ZDHHC23: variants seen among roughly 807,000 people sequenced by gnomAD.
ZDHHC23 encodes palmitoyltransferase ZDHHC23.
ZDHHC23 carries 41 observed loss-of-function variants against 40.2 expected under a neutral mutation model. The ratio of observed to expected loss-of-function variants is 1.02; its 90% CI spans 0.79 to 1.32. The LOEUF is 1.32. Among genes scored for constraint, ZDHHC23 ranks in the 40% most tolerant of loss-of-function variants. The pLI is 0.00. For synonymous variants in ZDHHC23, 204 were observed against 210.2 expected (o/e 0.97, Z 0.26); for missense variants, 471 against 541.5 (o/e 0.87, Z 1.29).
chr3:113,953,000 C>A (rs894466858), intron 2 of ZDHHC23, among the ~76,000 whole-genome samples: 3 of 152,194 alleles, frequency 2.0e-5, no homozygotes, highest in Non-Finnish European at 4.4e-5. Context: ...CATAGCATAG[C>A]CTAAGTGTGC....
chr3:113,959,210 T>C lies in ZDHHC23; in HGVS notation c.*580T>C. On this transcript the variant is annotated 3_prime_UTR_variant, in exon 5 of 5. Transcript: ENST00000638807. ...AGAAAAACGTTTATAGTCTAGAATA[T>C]TGAAGCCAATATTATTAGGGTAATC... 1.9e-6 allele frequency: 2 copies of C among 1,067,486 alleles called. No homozygotes were observed. Among genetic ancestry groups the C allele is most frequent in the Non-Finnish European group, 2.3e-6 (2 of 875,652 alleles). The allele number at this position is 1,067,486 out of a possible 1,614,324, so 66.1% of individuals were successfully genotyped here.
intron 4 of ZDHHC23, chr3:113,957,564 A>G (rs1939351370): frequency 2.5e-6 from 1 of 402,368 alleles, no homozygotes; most frequent in Non-Finnish European, 4.9e-6. Flanking sequence ...CAGTCCTGCC[A>G]TTGCTTCTCA....
At position 113,960,100 on chromosome 3, in the gene ZDHHC23, T is replaced by C. The variant is rs1939582026; in HGVS notation, c.*1470T>C. ...CTTATAGCTTAATATAGGGAAAATA[T>C]TGCCAGCGTTTTCAGTCATTCTGTG... On this transcript the variant is annotated 3_prime_UTR_variant, in exon 5 of 5. Coordinates refer to ENST00000638807, the MANE Select transcript of ZDHHC23 (RefSeq NM_001320466.2). 1.0e-6 allele frequency: 1 copy of C among 989,320 alleles called. No homozygotes were observed. The highest frequency in any genetic ancestry group is 1.7e-5 in the African/African-American group (1 of 57,394). The allele number at this position is 989,320 out of a possible 1,614,324, so 61.3% of individuals were successfully genotyped here.
chr3:113,966,235 A>C (rs1484182197), downstream of ZDHHC23, among the ~76,000 whole-genome samples: 2 of 152,186 alleles, frequency 1.3e-5, no homozygotes, highest in Non-Finnish European at 2.9e-5. Flanking sequence ...GTTGAGAAAA[A>C]ATACCCTAAC....
At chr3:113,965,042 A>T, downstream of ZDHHC23, 1 of 554,378 alleles carries the variant, frequency 1.8e-6, no homozygotes, top group Admixed American at 3.4e-5. Context: ...TTGATCTAAG[A>T]AGTAGCTCGT....
At chr3:113,974,822 C>T in the ZDHHC23 span, among the ~76,000 whole-genome samples, 1 of 151,924 alleles carries the variant, frequency 6.6e-6, no homozygotes, top group South Asian at 2.1e-4. Context: ...TGCTTTAATC[C>T]CTGGTTCATC....
intron 3 of ZDHHC23, among the ~76,000 whole-genome samples, chr3:113,955,069 A>C (rs1412935690): frequency 6.6e-6 from 1 of 152,192 alleles, no homozygotes; most frequent in Non-Finnish European, 1.5e-5. Context: ...AGGGACTATA[A>C]TTAATTCAGA....
At chr3:113,964,988 A>C (rs1277967293), downstream of ZDHHC23, 1 of 437,856 alleles carries the variant, frequency 2.3e-6, no homozygotes, top group Non-Finnish European at 4.0e-6. Flanking sequence ...CTAGCAATCC[A>C]GGAAAAGTCA....
At chr3:113,950,890 G>A (rs1255200279) in intron 2 of ZDHHC23, among the ~76,000 whole-genome samples, 1 of 152,226 alleles carries the variant, frequency 6.6e-6, no homozygotes, top group African/African-American at 2.4e-5. Context: ...CATTCCAAAA[G>A]GGAACAACAG....
chr3:113,958,259 A>G lies in ZDHHC23; in HGVS notation c.1041-104A>G, dbSNP rs139047036. 580 of 1,074,514 alleles carry G rather than the reference A, an allele frequency of 5.4e-4. 1 individual carries two copies. The African/African-American group carries it at 7.0e-3, about 13-fold the overall frequency. 66.6% of individuals were successfully genotyped at this position (1,074,514 alleles called of 1,614,324 possible). A position where few individuals can be genotyped will look rare whatever the true frequency, so the allele number is the denominator to read the frequency against. On this transcript the variant is annotated intron_variant, in intron 4 of 4. Coordinates refer to ENST00000638807, the MANE Select transcript of ZDHHC23 (RefSeq NM_001320466.2). ...GTTCGGAGGGTTGGGGAAGATGCCA[A>G]AGTCTTTAGTAATAAGTAAAAAAAT...
chr3:113,950,301 A>C (rs1042768655), intron 2 of ZDHHC23, among the ~76,000 whole-genome samples: 3 of 152,184 alleles, frequency 2.0e-5, no homozygotes, highest in African/African-American at 7.2e-5. Flanking sequence ...TAAATACCTG[A>C]GACTGGGTAA....
the ZDHHC23 span, among the ~76,000 whole-genome samples, chr3:113,974,298 T>C: frequency 5.3e-5 from 8 of 151,614 alleles, no homozygotes; most frequent in African/African-American, 1.5e-4. Context: ...TTTGGGAAGG[T>C]CATGGTTCCC....
Position 113,960,883 on chromosome 3 carries a change from G to A in ZDHHC23, c.*2253G>A. On this transcript the variant is annotated 3_prime_UTR_variant, in exon 5 of 5. Transcript: ENST00000638807. ...CCTGTCAAAAGATGAGTGATCTTGTGTGGGAAAAGCCTTCCCAGGCGTCTG... is the reference window on the plus strand; with the variant it reads ...CCTGTCAAAAGATGAGTGATCTTGTATGGGAAAAGCCTTCCCAGGCGTCTG... The A allele has an allele frequency of 4.5e-5, 57 of 1,266,206 alleles. No homozygotes were observed. Among genetic ancestry groups the A allele is most frequent in the Non-Finnish European group, 5.9e-5 (56 of 955,274 alleles). 78.4% of individuals were successfully genotyped at this position (1,266,206 alleles called of 1,614,324 possible).
chr3:113,969,171 T>C (rs936550052), downstream of ZDHHC23, among the ~76,000 whole-genome samples: 1 of 152,226 alleles, frequency 6.6e-6, no homozygotes, highest in Non-Finnish European at 1.5e-5. Flanking sequence ...TCCATCTCCA[T>C]GACCCAAATA....
At position 113,953,978 on chromosome 3, in the gene ZDHHC23, T is replaced by A. The variant is rs1278666775; in HGVS notation, c.440T>A (p.Phe147Tyr). The change falls in exon 3 of 5, where the codon TTC becomes TAC. Residue 147 changes from phenylalanine to tyrosine, a missense_variant. This residue lies in a region of ZDHHC23 where 346 missense variants were observed against 399.8 expected (regional missense o/e 0.87). Coordinates refer to ENST00000638807, the MANE Select transcript of ZDHHC23 (RefSeq NM_001320466.2). ...QTLFFLSLGL[F>Y]SLGYMYYVFL... ...CTGTTTTTCCTGAGCCTTGGACTGT[T>A]CTCTCTGGGCTACATGTACTATGTG... 1.9e-6 allele frequency: 3 copies of A among 1,614,084 alleles called. No individual in the cohort carries two copies. The Admixed American group carries it at 5.0e-5, about 27-fold the overall frequency.
Position 113,962,883 on chromosome 3 carries a change from C to G in ZDHHC23, c.*4253C>G, listed in dbSNP as rs1462740106. The G allele has an allele frequency of 6.6e-6, 1 of 152,190 alleles. No individual in the cohort carries two copies. Among genetic ancestry groups the G allele is most frequent in the Non-Finnish European group, 1.5e-5 (1 of 68,048 alleles). The allele number at this position is 152,190 out of a possible 1,614,324, so 9.4% of individuals were successfully genotyped here. ...ATCACCTCAGACTCAGACACAAGGCCTTTTACATGGAAATTTTACAAATTA... is the reference window on the plus strand; with the variant it reads ...ATCACCTCAGACTCAGACACAAGGCGTTTTACATGGAAATTTTACAAATTA... On this transcript the variant is annotated 3_prime_UTR_variant, in exon 5 of 5. Coordinates refer to ENST00000638807, the MANE Select transcript of ZDHHC23 (RefSeq NM_001320466.2).
At chr3:113,972,782 G>C in the ZDHHC23 span, among the ~76,000 whole-genome samples, 1 of 152,114 alleles carries the variant, frequency 6.6e-6, no homozygotes, top group African/African-American at 2.4e-5. Flanking sequence ...TCCTCTTGCT[G>C]AATTGACCTC....
In ZDHHC23 at chr3:113,960,073, G is replaced by A. The variant is rs1031042551; in HGVS notation, c.*1443G>A. On this transcript the variant is annotated 3_prime_UTR_variant, in exon 5 of 5. Coordinates refer to ENST00000638807, the MANE Select transcript of ZDHHC23 (RefSeq NM_001320466.2). ...ATTCATGACTCCTTAAATTTGCCTT[G>A]GCTTATAGCTTAATATAGGGAAAAT... The A allele has an allele frequency of 7.9e-5, 78 of 989,136 alleles. No homozygotes were observed. Among genetic ancestry groups the A allele is most frequent in the Non-Finnish European group, 8.9e-5 (74 of 832,118 alleles). The allele number at this position is 989,136 out of a possible 1,614,324, so 61.3% of individuals were successfully genotyped here.
chr3:113,964,878 A>AAAGT, downstream of ZDHHC23: 1 of 224,850 alleles, frequency 4.4e-6, no homozygotes, highest in Non-Finnish European at 8.6e-6. Flanking sequence ...TGTCCTTTTT[A>AAAGT]AAGTTTACTA....
Sources: allele counts gnomAD v4.1 joint callset (sites outside exome capture counted in the v4.1 genomes callset), GRCh38; gene constraint gnomAD v4.1.1; regional missense constraint gnomAD v4.1.1; transcripts MANE v1.5; gene names NCBI Gene and HGNC (gene_info 2026-07-23, HGNC 2026-07-21).